ALPK2: variants seen among roughly 807,000 people sequenced by gnomAD.
ALPK2 encodes alpha kinase 2, also known as alpha-protein kinase 2.
A neutral mutation model predicts 163.1 loss-of-function variants in ALPK2; 127 were observed. That is an observed-to-expected ratio of 0.78 (90% CI 0.67 to 0.90). ALPK2 has a LOEUF of 0.90. Among genes scored for constraint, ALPK2 ranks in the 40% least tolerant of loss-of-function variants. ALPK2 has a pLI of 0.00. For synonymous variants in ALPK2, 953 were observed against 959.1 expected, an observed-to-expected ratio of 0.99 and a Z score of 0.12; for missense variants, 2,360 against 2,589.6, an observed-to-expected ratio of 0.91 and a Z score of 1.92.
At position 58,578,797 on chromosome 18, in the gene ALPK2, TAAAAG is replaced by T. The variant is rs2051937385; in HGVS notation, c.1962+12_1962+16del. The T allele has an allele frequency of 1.3e-6, 2 of 1,595,252 alleles. No individual in the cohort carries two copies. The highest frequency in any genetic ancestry group is 1.4e-5 in the African/African-American group (1 of 73,150). On this transcript the variant is annotated intron_variant, in intron 4 of 12. Coordinates refer to ENST00000361673, the MANE Select transcript of ALPK2 (RefSeq NM_052947.4). ...GGTTCTTTTTATCTCGTAATTTCTT[TAAAAG>T]AAAAGTCTTACCTGAGGAGGATCAC...
intron 11 of ALPK2, among the ~76,000 whole-genome samples, chr18:58,498,303 G>A (rs1442384338): frequency 6.6e-6 from 1 of 152,176 alleles, no homozygotes; most frequent in Non-Finnish European, 1.5e-5. Context: ...AGTCTCATGT[G>A]AGCAGACAAC....
intron 8 of ALPK2, among the ~76,000 whole-genome samples, chr18:58,519,277 T>A (rs1209839476): frequency 6.6e-6 from 1 of 152,234 alleles, no homozygotes; most frequent in Non-Finnish European, 1.5e-5. Flanking sequence ...AATGCTTTTC[T>A]GTATCCCAAA....
chr18:58,580,521 A>T lies in ALPK2; in HGVS notation c.255T>A (p.Tyr85Ter). The stretch of plus-strand genomic sequence containing the variant: ...CAAAAGAGTTTTTAGCCGAGATTTG[A>T]TAGACAGCAGCATCATTTTTGGTAC... ...SCCTKNDAAV[Y>*]QISAKNSFGM... The change falls in exon 4 of 13, where the codon TAT becomes TAA. Residue 85 changes from tyrosine (Y) to a stop codon, truncating the protein, a stop_gained. Coordinates refer to ENST00000361673, the MANE Select transcript of ALPK2 (RefSeq NM_052947.4). LOFTEE classifies it high-confidence loss of function. 6.2e-7 allele frequency: 1 copy of T among 1,613,896 alleles called. No homozygotes were observed. The highest frequency in any genetic ancestry group is 8.5e-7 in the Non-Finnish European group (1 of 1,179,792).
intron 4 of ALPK2, among the ~76,000 whole-genome samples, chr18:58,558,982 T>G (rs2144173956): frequency 6.6e-6 from 1 of 152,378 alleles, no homozygotes; most frequent in Non-Finnish European, 1.5e-5. Context: ...ATAATGAAAG[T>G]GTTCTGAAAT....
At chr18:58,592,957 A>T (rs1223397454) in intron 3 of ALPK2, among the ~76,000 whole-genome samples, 1 of 152,262 alleles carries the variant, frequency 6.6e-6, no homozygotes, top group Non-Finnish European at 1.5e-5. Context: ...AATAGTTCTC[A>T]GCCCTGGCTG....
chr18:58,536,789 G>C lies in ALPK2; in HGVS notation c.3398C>G (p.Thr1133Arg). ...EENFQERGSE[T>R]KQGVQQQSLS... ...GCTCTGCTGCTGGACCCCCTGCTTT[G>C]TTTCACTTCCTCTTTCTTGGAAATT... The change falls in exon 5 of 13, where the codon ACA (threonine) becomes AGA (arginine). Residue 1133 changes from threonine to arginine, a missense_variant. Thr to Arg is a moderately conservative substitution (Grantham distance 71, BLOSUM62 -1). Coordinates refer to ENST00000361673, the MANE Select transcript of ALPK2 (RefSeq NM_052947.4). The C allele has an allele frequency of 6.2e-7, 1 of 1,614,142 alleles. No individual in the cohort carries two copies. The highest frequency in any genetic ancestry group is 8.5e-7 in the Non-Finnish European group (1 of 1,180,004).
chr18:58,515,606 G>C (rs556344365), intron 9 of ALPK2, among the ~76,000 whole-genome samples: 198 of 152,322 alleles, frequency 1.3e-3, no homozygotes, highest in African/African-American at 4.0e-3. Flanking sequence ...TGTCATATTT[G>C]AGATGGAGGG....
At chr18:58,539,875 C>A (rs1323516138) in intron 4 of ALPK2, among the ~76,000 whole-genome samples, 2 of 152,206 alleles carry the variant, frequency 1.3e-5, no homozygotes, top group African/African-American at 4.8e-5. Context: ...CCCCAGGCTG[C>A]TTACAGCCTG....
intron 12 of ALPK2, among the ~76,000 whole-genome samples, chr18:58,491,612 C>G (rs12608053): frequency 0.16 from 23,767 of 152,188 alleles, 1,993 homozygotes; most frequent in East Asian, 0.38. Context: ...TTTCGTCTCC[C>G]ACCTGACCAA....
Position 58,580,484 on chromosome 18 carries a change from A to G in ALPK2, c.292T>C (p.Cys98Arg). The change falls in exon 4 of 13, where the codon TGT (cysteine) becomes CGT (arginine). Residue 98 changes from cysteine (C) to arginine (R), a missense_variant. Coordinates refer to ENST00000361673, the MANE Select transcript of ALPK2 (RefSeq NM_052947.4). ...SAKNSFGMIC[C>R]SASVEVECSS... is the part of the protein sequence containing the mutation. ...CACTCAACCTCAACGGAAGCAGAACAACAGATCATTCCAAAAGAGTTTTTA... is the reference window on the plus strand; with the variant it reads ...CACTCAACCTCAACGGAAGCAGAACGACAGATCATTCCAAAAGAGTTTTTA... 6.2e-7 allele frequency: 1 copy of G among 1,614,226 alleles called. No individual in the cohort carries two copies. The highest frequency in any genetic ancestry group is 8.5e-7 in the Non-Finnish European group (1 of 1,180,042).
At chr18:58,516,859 T>C (rs769388826) in intron 9 of ALPK2, 49 bp downstream of exon 9, 102 of 1,585,040 alleles carry the variant, frequency 6.4e-5, no homozygotes, top group Admixed American at 3.7e-4. Flanking sequence ...CGTCTTATCA[T>C]GGGTGGTTCT....
intron 10 of ALPK2, among the ~76,000 whole-genome samples, chr18:58,512,514 A>G (rs1192492084): frequency 6.6e-6 from 1 of 151,766 alleles, no homozygotes; most frequent in African/African-American, 2.4e-5. Context: ...GGGGGACAGG[A>G]CTCCTGGTCC....
intron 12 of ALPK2, among the ~76,000 whole-genome samples, chr18:58,492,175 C>A (rs550464750): frequency 4.0e-5 from 6 of 151,148 alleles, no homozygotes; most frequent in African/African-American, 1.5e-4. Flanking sequence ...CACACAGAGG[C>A]AGACACAAAA....
At chr18:58,566,025 C>T (rs1182353610) in intron 4 of ALPK2, among the ~76,000 whole-genome samples, 1 of 152,214 alleles carries the variant, frequency 6.6e-6, no homozygotes, top group East Asian at 1.9e-4. Context: ...TCATGATCCA[C>T]CTGCCTCGGG....
chr18:58,538,001 A>G lies in ALPK2; in HGVS notation c.2186T>C (p.Ile729Thr). The change falls in exon 5 of 13, where the codon ATA becomes ACA. Residue 729 changes from isoleucine to threonine, a missense_variant. Transcript: ENST00000361673. ...HEEKQDRDGN[I>T]PDNFREDLKY... is the part of the protein sequence containing the mutation. ...TAGGTCTTCCCTGAAATTGTCAGGT[A>G]TGTTGCCATCTCTGTCTTGTTTTTC... is the stretch of plus-strand genomic sequence containing the variant. 6.2e-7 allele frequency: 1 copy of G among 1,614,166 alleles called. No individual in the cohort carries two copies. Among genetic ancestry groups the G allele is most frequent in the Non-Finnish European group, 8.5e-7 (1 of 1,180,018 alleles).
intron 4 of ALPK2, among the ~76,000 whole-genome samples, chr18:58,568,575 G>T (rs1283656298): frequency 6.6e-6 from 1 of 152,124 alleles, no homozygotes; most frequent in Non-Finnish European, 1.5e-5. Flanking sequence ...GGTGGGGCTT[G>T]TATGTCTGTA....
chr18:58,527,046 G>T (rs778136481), intron 6 of ALPK2, among the ~76,000 whole-genome samples: 4 of 151,186 alleles, frequency 2.6e-5, no homozygotes, highest in African/African-American at 7.4e-5. Context: ...GCATTCCTTT[G>T]CCTGATGGAC....
chr18:58,613,851 G>A (rs2052149919), intron 1 of ALPK2, among the ~76,000 whole-genome samples: 1 of 152,040 alleles, frequency 6.6e-6, no homozygotes, highest in African/African-American at 2.4e-5. Context: ...GGAGCATTCT[G>A]CTCACAAATG....
rs1179550492 is a variant in ALPK2 at position 58,529,180 on chromosome 18, T to G, written c.5412A>C (p.Val1804=). 15 of 1,613,978 alleles carry G rather than the reference T, an allele frequency of 9.3e-6. No homozygotes were observed. Among genetic ancestry groups the G allele is most frequent in the Non-Finnish European group, 1.3e-5 (15 of 1,179,972 alleles). The change falls in exon 6 of 13, where the codon GTA becomes GTC. Residue 1804 remains valine (V), a synonymous_variant. Transcript: ENST00000361673. ...AEMFPEHSGN[V]KLSCQFAEIH... is the part of the protein sequence containing the mutation. The stretch of plus-strand genomic sequence containing the variant: ...TTTCTGCAAATTGGCAGCTTAATTT[T>G]ACATTTCCAGAGTGTTCAGGGAACA...
Sources: allele counts gnomAD v4.1 joint callset (sites outside exome capture counted in the v4.1 genomes callset), GRCh38; gene constraint gnomAD v4.1.1; transcripts MANE v1.5; gene names NCBI Gene and HGNC (gene_info 2026-07-23, HGNC 2026-07-21).